Variants in ADAM22 observed in about 807,000 individuals in gnomAD.
The protein encoded by ADAM22 is ADAM metallopeptidase domain 22.
Under a neutral mutation model 144.6 loss-of-function variants are expected in ADAM22, and 65 were observed. The observed-to-expected ratio is 0.45, with a 90% CI of 0.37 to 0.55. The LOEUF (loss-of-function observed/expected upper bound fraction) is 0.55. Ranked by LOEUF, ADAM22 falls within the 20% of genes least tolerant of loss-of-function variation. ADAM22 has a pLI of 0.00. For synonymous variants in ADAM22, 391 were observed against 412.6 expected, an observed-to-expected ratio of 0.95 and a Z score of 0.63; for missense variants, 974 against 1,184.9, an observed-to-expected ratio of 0.82 and a Z score of 2.61.
Position 88,155,944 on chromosome 7 carries a change from A to G in ADAM22, c.1845A>G (p.Gly615=). ...ATATTGGCAATATCCCAAGGCTTGG[A>G]GAACTCGATGGTGAAATCACATCTA... ...CTNIGNIPRL[G]ELDGEITSTL... Residue 615 remains glycine, a synonymous_variant, in exon 22 of 32, where the codon GGA becomes GGG. Coordinates refer to ENST00000413139, the MANE Select transcript of ADAM22 (RefSeq NM_001324418.2). 6.2e-7 allele frequency: 1 copy of G among 1,613,444 alleles called. No individual in the cohort carries two copies. The highest frequency in any genetic ancestry group is 1.7e-5 in the Admixed American group (1 of 59,944).
At chr7:87,971,156 G>A (rs1397808887) in intron 2 of ADAM22, among the ~76,000 whole-genome samples, 1 of 152,076 alleles carries the variant, frequency 6.6e-6, no homozygotes, top group Non-Finnish European at 1.5e-5. Context: ...CTATGGTCAT[G>A]TTATTAACTT....
At chr7:88,181,842 C>T in intron 28 of ADAM22, 116 bp from the exon 29 acceptor site, 3 of 964,840 alleles carry the variant, frequency 3.1e-6, no homozygotes, top group Non-Finnish European at 4.8e-6. Context: ...GTGTGACAAA[C>T]CCGGTGTTCC....
intron 3 of ADAM22, among the ~76,000 whole-genome samples, chr7:88,004,663 A>C (rs1333341653): frequency 3.3e-5 from 5 of 152,196 alleles, no homozygotes; most frequent in Non-Finnish European, 7.4e-5. Context: ...AAAACTGAAA[A>C]ATTTATTTCA....
intron 2 of ADAM22, among the ~76,000 whole-genome samples, chr7:87,961,137 G>A (rs545310390): frequency 8.5e-5 from 13 of 152,138 alleles, no homozygotes; most frequent in South Asian, 2.1e-4. Context: ...AGGGTAGTCC[G>A]TTAGGCCTCA....
At chr7:87,966,721 G>GTTTTTTTTTTTTTTTTTTTTTTTTTTTT (rs71120012) in intron 2 of ADAM22, among the ~76,000 whole-genome samples, 2 of 39,886 alleles carry the variant, frequency 5.0e-5, no homozygotes, top group Non-Finnish European at 8.0e-5. Context: ...AAGGAAAGCC[G>GTTTTTTTTTTTTTTTTTTTTTTTTTTTT]TTTTTTTTTT....
At chr7:88,098,218 A>T (rs1342146410) in intron 4 of ADAM22, among the ~76,000 whole-genome samples, 1 of 152,180 alleles carries the variant, frequency 6.6e-6, no homozygotes, top group Admixed American at 6.5e-5. Flanking sequence ...AAAAATAATG[A>T]TGAGTATTTT....
chr7:88,141,465 T>C (rs1254876038), intron 14 of ADAM22, among the ~76,000 whole-genome samples: 2 of 152,186 alleles, frequency 1.3e-5, no homozygotes, highest in African/African-American at 4.8e-5. Flanking sequence ...TTAGAAGAAG[T>C]AGGGATATAA....
At chr7:88,071,229 A>T (rs1812692767) in intron 3 of ADAM22, among the ~76,000 whole-genome samples, 1 of 152,100 alleles carries the variant, frequency 6.6e-6, no homozygotes, top group South Asian at 2.1e-4. Context: ...AAAAAGTGGT[A>T]GATAGGCTCA....
chr7:88,075,572 G>A lies in ADAM22; in HGVS notation c.324-54G>A, dbSNP rs909873111. The A allele has an allele frequency of 2.4e-4, 358 of 1,494,316 alleles. 4 individuals carry two copies. In the Admixed American group the frequency reaches 5.2e-3, roughly 22 times the overall value. 92.6% of individuals were successfully genotyped at this position (1,494,316 alleles called of 1,614,324 possible). ...ATGTGTAAACTAGATCCTGATTTTC[G>A]TGTTTTACATTTTTGGGATCCTCTT... On this transcript the variant is annotated intron_variant, in intron 3 of 31. Transcript: ENST00000413139.
chr7:87,997,985 G>A (rs1025515979), intron 3 of ADAM22, among the ~76,000 whole-genome samples: 11 of 152,196 alleles, frequency 7.2e-5, no homozygotes, highest in Non-Finnish European at 1.3e-4. Flanking sequence ...CAGTGCAGCC[G>A]TCAGTCTATG....
chr7:88,040,993 T>C (rs754099545), intron 3 of ADAM22, among the ~76,000 whole-genome samples: 1 of 152,048 alleles, frequency 6.6e-6, no homozygotes, highest in Non-Finnish European at 1.5e-5. Flanking sequence ...CAGTTTATAA[T>C]ATGGCAACTG....
chr7:88,077,168 G>T (rs1814790359), intron 4 of ADAM22, among the ~76,000 whole-genome samples: 2 of 152,006 alleles, frequency 1.3e-5, no homozygotes, highest in Admixed American at 6.5e-5. Flanking sequence ...AGTTTTTTAT[G>T]TACATTTATT....
chr7:88,089,353 G>A (rs998644207), intron 4 of ADAM22, among the ~76,000 whole-genome samples: 1 of 152,004 alleles, frequency 6.6e-6, no homozygotes, highest in Non-Finnish European at 1.5e-5. Context: ...TTGCATCAAT[G>A]ATGAATCTTC....
At chr7:88,005,213 A>G (rs1793517370) in intron 3 of ADAM22, among the ~76,000 whole-genome samples, 2 of 152,184 alleles carry the variant, frequency 1.3e-5, no homozygotes, top group African/African-American at 4.8e-5. Context: ...TTATAGGGAT[A>G]GGAGATTTCC....
intron 2 of ADAM22, among the ~76,000 whole-genome samples, chr7:87,971,900 A>C (rs1850530638): frequency 6.6e-6 from 1 of 152,206 alleles, no homozygotes; most frequent in Non-Finnish European, 1.5e-5. Flanking sequence ...CTTAAGAAGC[A>C]ACCATATTGG....
chr7:87,961,980 A>G (rs1848089471), intron 2 of ADAM22, among the ~76,000 whole-genome samples: 1 of 152,238 alleles, frequency 6.6e-6, no homozygotes, highest in Admixed American at 6.5e-5. Flanking sequence ...CTGAAGCTCA[A>G]AGTTCCATTC....
intron 4 of ADAM22, among the ~76,000 whole-genome samples, chr7:88,085,393 T>C (rs1417117832): frequency 1.3e-5 from 2 of 152,178 alleles, no homozygotes; most frequent in Non-Finnish European, 2.9e-5. Flanking sequence ...TTTGAACTTT[T>C]GGTAAAGAAT....
At chr7:88,121,807 G>C (rs952497630) in intron 7 of ADAM22, among the ~76,000 whole-genome samples, 2 of 152,206 alleles carry the variant, frequency 1.3e-5, no homozygotes, top group Non-Finnish European at 2.9e-5. Context: ...TTGCTGTATA[G>C]TATTTATTAG....
At chr7:88,142,275 A>G (rs1270683079) in intron 14 of ADAM22, among the ~76,000 whole-genome samples, 1 of 152,192 alleles carries the variant, frequency 6.6e-6, no homozygotes, top group East Asian at 1.9e-4. Context: ...TTTGTAGCAA[A>G]AGGAATCACA....
Sources: allele counts gnomAD v4.1 joint callset (sites outside exome capture counted in the v4.1 genomes callset), GRCh38; gene constraint gnomAD v4.1.1; transcripts MANE v1.5; gene names NCBI Gene and HGNC (gene_info 2026-07-23, HGNC 2026-07-21).